HS6ST2: variants seen among roughly 807,000 people sequenced by gnomAD.
HS6ST2 encodes the protein heparan sulfate 6-O-sulfotransferase 2.
Under a neutral mutation model 33.0 loss-of-function variants are expected in HS6ST2, and 17 were observed. That is an observed-to-expected ratio of 0.52 (90% CI 0.35 to 0.77). The LOEUF is 0.77. Among genes scored for constraint, HS6ST2 ranks in the 30% least tolerant of loss-of-function variants. The probability of loss-of-function intolerance (pLI) is 0.01; values close to 1 mark genes in which losing one functional copy is unlikely to be tolerated. For synonymous variants in HS6ST2, 248 were observed against 237.1 expected (o/e 1.05, Z -0.42); for missense variants, 519 against 551.7 (o/e 0.94, Z 0.59).
intron 4 of HS6ST2, among the ~76,000 whole-genome samples, chrX:132,642,208 T>C (rs772883698): frequency 9.0e-6 from 1 of 111,489 alleles, no homozygotes; most frequent in East Asian, 2.8e-4. Flanking sequence ...CTGGGCCTGC[T>C]GGACATGTGC....
At chrX:132,915,045 G>A (rs781679121) in intron 2 of HS6ST2, among the ~76,000 whole-genome samples, 1 of 112,355 alleles carries the variant, frequency 8.9e-6, no homozygotes, top group East Asian at 2.8e-4. Context: ...AGGCTCTCCT[G>A]TAACCAGCCT....
In HS6ST2 at chrX:132,958,568, T is replaced by A. The variant is rs2067118709; in HGVS notation, c.35A>T (p.Glu12Val). The A allele has an allele frequency of 3.4e-6, 4 of 1,181,814 alleles. No individual in the cohort carries two copies. Among genetic ancestry groups the A allele is most frequent in the Non-Finnish European group, 4.5e-6 (4 of 880,882 alleles). ...TCCTCGCTCCGGTTGCCGCGGCGGC[T>A]CGAACTCCCGGACTGCACACGCAGG... ...ALPACAVREF[E>V]PPRQPERGAP... is the part of the protein sequence containing the mutation. The change falls in exon 1 of 5, where the codon GAG (glutamate) becomes GTG (valine). Residue 12 changes from glutamate (E) to valine (V), a missense_variant. Coordinates refer to ENST00000370833, the MANE Select transcript of HS6ST2 (RefSeq NM_001394073.1).
intron 2 of HS6ST2, among the ~76,000 whole-genome samples, chrX:132,928,078 G>A (rs762464587): frequency 3.0e-4 from 33 of 109,137 alleles, no homozygotes; most frequent in African/African-American, 1.0e-3. Context: ...GGCAAAAGCA[G>A]GAGGAGGAGA....
intron 2 of HS6ST2, among the ~76,000 whole-genome samples, chrX:132,809,574 G>GA (rs1417356697): frequency 8.1e-5 from 9 of 111,588 alleles, no homozygotes; most frequent in African/African-American, 2.9e-4. Context: ...TCTGAGCAAT[G>GA]AAAACCTCAT....
At chrX:132,848,483 G>T (rs1284946786) in intron 2 of HS6ST2, among the ~76,000 whole-genome samples, 1 of 112,339 alleles carries the variant, frequency 8.9e-6, no homozygotes, top group African/African-American at 3.2e-5. Context: ...CTTCCACAGG[G>T]TGGTGCCTTC....
Position 132,957,005 on chromosome X carries a change from G to A in HS6ST2, c.750C>T (p.Ile250=). The change falls in exon 2 of 5, where the codon ATC becomes ATT. Residue 250 remains isoleucine, a synonymous_variant. Coordinates refer to ENST00000370833, the MANE Select transcript of HS6ST2 (RefSeq NM_001394073.1). ...GGCACTCGCACGGCTGCTCCAGCTG[G>A]ATGTTACGCACCAAGTGGCGGCCGA... ...TTFGRHLVRN[I]QLEQPCECRV... is the part of the protein sequence containing the mutation. The A allele has an allele frequency of 8.3e-7, 1 of 1,211,845 alleles. No homozygotes were observed. Among genetic ancestry groups the A allele is most frequent in the Non-Finnish European group, 1.1e-6 (1 of 895,329 alleles).
intron 2 of HS6ST2, among the ~76,000 whole-genome samples, chrX:132,905,459 A>G (rs1405503205): frequency 8.9e-6 from 1 of 112,485 alleles, no homozygotes; most frequent in East Asian, 2.8e-4. Context: ...TGGCTGTCAA[A>G]TTGTTCTACC....
chrX:132,866,330 T>C (rs2065980498), intron 2 of HS6ST2, among the ~76,000 whole-genome samples: 1 of 105,425 alleles, frequency 9.5e-6, no homozygotes, highest in African/African-American at 3.5e-5. Context: ...TCTGTTCCAT[T>C]GATCTATATC....
intron 3 of HS6ST2, among the ~76,000 whole-genome samples, chrX:132,704,242 T>C (rs750227722): frequency 3.6e-5 from 4 of 112,316 alleles, no homozygotes; most frequent in African/African-American, 1.3e-4. Context: ...ACAAGATTAA[T>C]GATAATAAGT....
At chrX:132,954,441 G>A (rs773315232) in intron 2 of HS6ST2, among the ~76,000 whole-genome samples, 1 of 111,487 alleles carries the variant, frequency 9.0e-6, no homozygotes, top group Non-Finnish European at 1.9e-5. Flanking sequence ...GCCTCGCACA[G>A]ACACATACAA....
rs180996928 is a variant in HS6ST2, at chrX:132,783,944, G to A, written c.948-75450C>T. On this transcript the variant is annotated intron_variant, in intron 2 of 4. Transcript: ENST00000370833. ...AAGGCAAGGGTTGCCAAAAATATTC[G>A]CCTGGAAAGCTAGCAATATTAGCTG... Among the ~76,000 whole-genome samples the A allele has an allele frequency of 6.3e-5, 7 of 111,634 alleles. No homozygotes were observed. The East Asian group carries it at 1.7e-3, about 27-fold the overall frequency.
intron 2 of HS6ST2, among the ~76,000 whole-genome samples, chrX:132,892,272 C>A (rs1031528604): frequency 8.9e-6 from 1 of 111,751 alleles, no homozygotes; most frequent in African/African-American, 3.3e-5. Context: ...TCTTGACTCC[C>A]CTTGTATTTC....
intron 2 of HS6ST2, among the ~76,000 whole-genome samples, chrX:132,874,436 T>C (rs759028586): frequency 5.4e-5 from 6 of 110,605 alleles, no homozygotes; most frequent in Non-Finnish European, 1.1e-4. Context: ...ATTAGCTGGG[T>C]GTGGTGGCAC....
Position 132,807,446 on chromosome X carries a change from G to A in HS6ST2, c.948-98952C>T, listed in dbSNP as rs562649135. ...CTAAAGAGAGCCTAAAGAATAAAGGGGGTCCAATGAGTAGAGCTGAAGGGA... is the reference window on the plus strand; with the variant it reads ...CTAAAGAGAGCCTAAAGAATAAAGGAGGTCCAATGAGTAGAGCTGAAGGGA... On this transcript the variant is annotated intron_variant, in intron 2 of 4. Coordinates refer to ENST00000370833, the MANE Select transcript of HS6ST2 (RefSeq NM_001394073.1). Among the ~76,000 whole-genome samples the A allele has an allele frequency of 1.2e-4, 13 of 104,469 alleles. 1 individual carries two copies. In the South Asian group the frequency reaches 1.5e-3, roughly 12 times the overall value. 90.7% of individuals were successfully genotyped at this position (104,469 alleles called of 115,157 possible). A position where few individuals can be genotyped will look rare whatever the true frequency, so the allele number is the denominator to read the frequency against.
intron 2 of HS6ST2, among the ~76,000 whole-genome samples, chrX:132,859,415 A>C (rs1350584337): frequency 1.8e-5 from 2 of 111,211 alleles, no homozygotes; most frequent in Non-Finnish European, 3.8e-5. Flanking sequence ...GAAAAGCAGA[A>C]GTAGCTGAAT....
intron 2 of HS6ST2, among the ~76,000 whole-genome samples, chrX:132,913,318 G>A (rs1183306081): frequency 2.7e-5 from 3 of 112,412 alleles, no homozygotes; most frequent in Admixed American, 9.4e-5. Flanking sequence ...CCCTGGGGCT[G>A]CGGGCTGGAG....
At chrX:132,709,822 C>CACACACACACACAA (rs2064216434) in intron 2 of HS6ST2, among the ~76,000 whole-genome samples, 1 of 108,552 alleles carries the variant, frequency 9.2e-6, no homozygotes, top group African/African-American at 3.4e-5. Context: ...AACACACACA[C>CACACACACACACAA]ACACACACAC....
At chrX:132,677,348 C>A (rs775005600) in intron 3 of HS6ST2, among the ~76,000 whole-genome samples, 2 of 112,146 alleles carry the variant, frequency 1.8e-5, no homozygotes, top group Admixed American at 9.4e-5. Flanking sequence ...TGGTGAATTA[C>A]CACTTTGTTT....
intron 2 of HS6ST2, among the ~76,000 whole-genome samples, chrX:132,919,321 A>G: frequency 8.9e-6 from 1 of 112,383 alleles, no homozygotes; most frequent in South Asian, 3.8e-4. Flanking sequence ...TGTACCATAA[A>G]GTCACATAAA....
Sources: gnomAD v4.1 joint callset for allele counts (sites outside exome capture counted in the v4.1 genomes callset) on GRCh38, gnomAD v4.1.1 for gene constraint, MANE v1.5 for transcripts, NCBI Gene and HGNC (gene_info 2026-07-23, HGNC 2026-07-21) for gene names.